The following AGR3 variants were observed in gnomAD, a reference collection of about 807,000 sequenced individuals.
The protein encoded by AGR3 is anterior gradient 3, protein disulphide isomerase family member.
AGR3 carries 37 observed loss-of-function variants against 24.5 expected under a neutral mutation model. The ratio of observed to expected loss-of-function variants is 1.51; its 90% CI spans 1.16 to 1.99. The LOEUF is 1.99. Among genes scored for constraint, AGR3 ranks in the 30% most tolerant of loss-of-function variants. The probability of loss-of-function intolerance (pLI) is 0.00; values close to 1 mark genes in which losing one functional copy is unlikely to be tolerated. For synonymous variants in AGR3, 75 were observed against 61.6 expected, an observed-to-expected ratio of 1.22 and a Z score of -1.02; for missense variants, 228 against 191.1, an observed-to-expected ratio of 1.19 and a Z score of -1.14.
intron 7 of AGR3, 71 bp from the exon 8 acceptor site, chr7:16,859,702 A>G: frequency 9.8e-7 from 1 of 1,023,384 alleles, no homozygotes; most frequent in Non-Finnish European, 1.4e-6. Context: ...TATTAACTCT[A>G]GAACCTGAAA....
downstream of AGR3, among the ~76,000 whole-genome samples, chr7:16,856,441 A>G (rs1383661221): frequency 1.3e-5 from 2 of 152,246 alleles, no homozygotes; most frequent in Non-Finnish European, 2.9e-5. Context: ...TTACTTTAAA[A>G]TATCACATAA....
downstream of AGR3, among the ~76,000 whole-genome samples, chr7:16,856,343 G>A (rs1781555571): frequency 6.6e-6 from 1 of 152,118 alleles, no homozygotes; most frequent in South Asian, 2.1e-4. Flanking sequence ...CAAATGGGAA[G>A]GAGGACAAGG....
intron 7 of AGR3, 47 bp downstream of exon 7, chr7:16,860,453 C>G: frequency 1.4e-6 from 2 of 1,381,114 alleles, no homozygotes; most frequent in African/African-American, 1.4e-5. Context: ...AACAAATAGT[C>G]AGGGGTCAGC....
At chr7:16,855,200 T>A (rs753652864), downstream of AGR3, among the ~76,000 whole-genome samples, 2 of 152,220 alleles carry the variant, frequency 1.3e-5, no homozygotes, top group Non-Finnish European at 2.9e-5. Flanking sequence ...TACAGTACTA[T>A]AGGACACTAA....
intron 3 of AGR3, chr7:16,865,657 T>G (rs1781744692): frequency 1.3e-6 from 1 of 796,216 alleles, no homozygotes; most frequent in Non-Finnish European, 2.3e-6. Context: ...TCTTATCAGT[T>G]CTCAGATGAT....
chr7:16,871,011 G>T (rs1334221769), intron 3 of AGR3, among the ~76,000 whole-genome samples: 1 of 152,060 alleles, frequency 6.6e-6, no homozygotes, highest in Non-Finnish European at 1.5e-5. Context: ...GACTTAGTAG[G>T]TCTTTAAGAA....
At chr7:16,870,159 G>A (rs958921745) in intron 3 of AGR3, among the ~76,000 whole-genome samples, 1 of 151,710 alleles carries the variant, frequency 6.6e-6, no homozygotes, top group Non-Finnish European at 1.5e-5. Context: ...AGTTTATTCT[G>A]GGGTATTTTC....
intron 2 of AGR3, among the ~76,000 whole-genome samples, chr7:16,875,350 A>G (rs1334845281): frequency 6.6e-6 from 1 of 152,136 alleles, no homozygotes; most frequent in African/African-American, 2.4e-5. Context: ...TATAAATGGA[A>G]TCATACAATA....
At chr7:16,858,731 T>A (rs1781586706), downstream of AGR3, among the ~76,000 whole-genome samples, 1 of 151,476 alleles carries the variant, frequency 6.6e-6, no homozygotes, top group Non-Finnish European at 1.5e-5. Context: ...ATTAGCCAGG[T>A]GTGGTGGTAC....
At chr7:16,857,197 A>T (rs1043311799), downstream of AGR3, among the ~76,000 whole-genome samples, 3 of 152,158 alleles carry the variant, frequency 2.0e-5, no homozygotes, top group African/African-American at 7.2e-5. Flanking sequence ...TGGTTACAAG[A>T]TTACAGTGAC....
At chr7:16,864,767 G>T in intron 3 of AGR3, 1 of 1,144,256 alleles carries the variant, frequency 8.7e-7, no homozygotes, top group Admixed American at 1.7e-5. Context: ...CCTTCTCCTT[G>T]GCAATGAGCA....
intron 7 of AGR3, 110 bp from the exon 8 acceptor site, chr7:16,859,741 C>T (rs1381305612): frequency 4.6e-6 from 3 of 647,136 alleles, no homozygotes; most frequent in Non-Finnish European, 5.1e-6. Context: ...TAGCTTTGAA[C>T]ATGGGAATTC....
chr7:16,864,132 A>T, intron 3 of AGR3: 2 of 503,890 alleles, frequency 4.0e-6, no homozygotes, highest in South Asian at 5.6e-5. Context: ...TTTCGTGATG[A>T]AAGACTACAG....
In AGR3 at chr7:16,864,482, C is replaced by G. The variant is rs1781711512; in HGVS notation, c.174-1820G>C. 5.6e-6 allele frequency: 7 copies of G among 1,260,158 alleles called. No homozygotes were observed. In the East Asian group the frequency reaches 9.3e-5, roughly 17 times the overall value. 78.1% of individuals were successfully genotyped at this position (1,260,158 alleles called of 1,614,324 possible). A position where few individuals can be genotyped will look rare whatever the true frequency, so the allele number is the denominator to read the frequency against. On this transcript the variant is annotated intron_variant, in intron 3 of 7. Coordinates refer to ENST00000310398, the MANE Select transcript of AGR3 (RefSeq NM_176813.5). ...TGGGCTTCATCTCCACTGTCAGGGT[C>G]GATCATTCCATGTTCCCTGTCAGTC...
chr7:16,878,319 A>G (rs1782030504), intron 2 of AGR3, among the ~76,000 whole-genome samples, 191 bp downstream of exon 2: 1 of 152,198 alleles, frequency 6.6e-6, no homozygotes, highest in Non-Finnish European at 1.5e-5. Flanking sequence ...ATTGTTTGCT[A>G]GTTGATTTGA....
At chr7:16,875,458 C>T (rs76880751) in intron 2 of AGR3, among the ~76,000 whole-genome samples, 1 of 152,020 alleles carries the variant, frequency 6.6e-6, no homozygotes, top group Non-Finnish European at 1.5e-5. Context: ...TTTTTATGGT[C>T]AAATATTATT....
intron 3 of AGR3, chr7:16,866,079 C>G (rs1781753140): frequency 1.7e-6 from 1 of 602,076 alleles, no homozygotes; most frequent in South Asian, 1.5e-5. Context: ...ATTTTCTAAA[C>G]CATATATCTG....
chr7:16,859,716 GC>G, intron 7 of AGR3, 85 bp from the exon 8 acceptor site: 1 of 877,514 alleles, frequency 1.1e-6, no homozygotes, highest in Non-Finnish European at 1.7e-6. Context: ...CCTGAAATTG[GC>G]CCATTTAAAT....
chr7:16,865,896 G>T, intron 3 of AGR3: 1 of 717,668 alleles, frequency 1.4e-6, no homozygotes. Context: ...CATCCAGGAG[G>T]ACCTGTTATT....
Sources: gnomAD v4.1 joint callset for allele counts (sites outside exome capture counted in the v4.1 genomes callset) on GRCh38, gnomAD v4.1.1 for gene constraint, MANE v1.5 for transcripts, NCBI Gene and HGNC (gene_info 2026-07-23, HGNC 2026-07-21) for gene names.